Variants in NCAM2 observed in about 807,000 individuals in gnomAD.
The protein encoded by NCAM2 is N-CAM-2.
Under a neutral mutation model 98.1 loss-of-function variants are expected in NCAM2, and 30 were observed. The observed-to-expected ratio is 0.31, with a 90% CI of 0.23 to 0.41. The LOEUF (loss-of-function observed/expected upper bound fraction) is 0.41. Ranked by LOEUF, NCAM2 falls within the 10% of genes least tolerant of loss-of-function variation. NCAM2 has a pLI of 1.00. For synonymous variants in NCAM2, 368 were observed against 342.4 expected, an observed-to-expected ratio of 1.07 and a Z score of -0.83; for missense variants, 867 against 1,005.8, an observed-to-expected ratio of 0.86 and a Z score of 1.87.
At chr21:21,467,926 A>G (rs1018080092) in intron 13 of NCAM2, among the ~76,000 whole-genome samples, 3 of 152,010 alleles carry the variant, frequency 2.0e-5, no homozygotes, top group African/African-American at 7.2e-5. Flanking sequence ...AAGAAATAAC[A>G]GGTCATGCCG....
intron 1 of NCAM2, among the ~76,000 whole-genome samples, chr21:21,222,520 A>G (rs1224707098): frequency 6.6e-6 from 1 of 152,144 alleles, no homozygotes; most frequent in Non-Finnish European, 1.5e-5. Flanking sequence ...TTCATGGAGG[A>G]CTTGAGAGGT....
rs9808734 is a variant in NCAM2, at chr21:21,511,428, T to C, written c.2282+2373T>C. Among the ~76,000 whole-genome samples the C allele has an allele frequency of 7.6e-3, 1,149 of 152,054 alleles. 15 individuals carry two copies. The highest frequency in any genetic ancestry group is 0.027 in the African/African-American group (1,103 of 41,510). ...ACTTATTTCACTTAACATAATTTTC[T>C]CCAGTTCCACCAATATTTCCACAAA... is the stretch of plus-strand genomic sequence containing the variant. On this transcript the variant is annotated intron_variant, in intron 16 of 17. Coordinates refer to ENST00000400546, the MANE Select transcript of NCAM2 (RefSeq NM_004540.5).
intron 12 of NCAM2, among the ~76,000 whole-genome samples, chr21:21,447,310 T>C (rs1361408558): frequency 6.6e-6 from 1 of 151,918 alleles, no homozygotes; most frequent in Non-Finnish European, 1.5e-5. Context: ...AAGGATATCC[T>C]TTTCAATAAA....
At chr21:21,402,069 T>C (rs2145876284) in intron 9 of NCAM2, among the ~76,000 whole-genome samples, 1 of 152,280 alleles carries the variant, frequency 6.6e-6, no homozygotes, top group African/African-American at 2.4e-5. Flanking sequence ...TTGTAAAACA[T>C]ATGTGTTTGA....
At chr21:21,442,630 G>A (rs1336515156) in intron 12 of NCAM2, among the ~76,000 whole-genome samples, 3 of 152,108 alleles carry the variant, frequency 2.0e-5, no homozygotes, top group Non-Finnish European at 2.9e-5. Flanking sequence ...CTTAAAGTCA[G>A]GATATTGTGA....
rs549433921 is a variant in NCAM2 at position 21,351,703 on chromosome 21, T to C, written c.1044+13169T>C. Among the ~76,000 whole-genome samples, 4 of 152,304 alleles carry C rather than the reference T, an allele frequency of 2.6e-5. No homozygotes were observed. In the South Asian group the frequency reaches 8.3e-4, roughly 32 times the overall value. On this transcript the variant is annotated intron_variant, in intron 8 of 17. Coordinates refer to ENST00000400546, the MANE Select transcript of NCAM2 (RefSeq NM_004540.5). Reference sequence around the variant, plus strand: ...ACACCTACTAAATATTGCCACTTTATATAAACATCTCTCATCTATTTGTTC... The same window carrying C: ...ACACCTACTAAATATTGCCACTTTACATAAACATCTCTCATCTATTTGTTC...
At chr21:21,061,858 G>A (rs2065330078) in intron 1 of NCAM2, among the ~76,000 whole-genome samples, 1 of 152,042 alleles carries the variant, frequency 6.6e-6, no homozygotes, top group African/African-American at 2.4e-5. Flanking sequence ...ACAGTGTTGT[G>A]ATTTTCAATC....
intron 1 of NCAM2, among the ~76,000 whole-genome samples, chr21:21,209,794 G>T (rs1377377193): frequency 6.6e-6 from 1 of 152,122 alleles, no homozygotes; most frequent in Non-Finnish European, 1.5e-5. Flanking sequence ...CTGAGAAGAA[G>T]AAACAGTGGC....
At position 21,538,034 on chromosome 21, in the gene NCAM2, T is replaced by C. The variant is rs991091445; in HGVS notation, c.*77T>C. 4 of 744,020 alleles carry C rather than the reference T, an allele frequency of 5.4e-6. No homozygotes were observed. Among genetic ancestry groups the C allele is most frequent in the East Asian group, 2.9e-5 (1 of 35,044 alleles). The allele number at this position is 744,020 out of a possible 1,614,324, so 46.1% of individuals were successfully genotyped here. A position where few individuals can be genotyped will look rare whatever the true frequency, so the allele number is the denominator to read the frequency against. ...TGACCCTATGACCAAAACTATTCCA[T>C]TGACCTTAATTTCTTGGGAAACTTC... On this transcript the variant is annotated 3_prime_UTR_variant, in exon 18 of 18. Transcript: ENST00000400546.
intron 16 of NCAM2, among the ~76,000 whole-genome samples, chr21:21,533,408 C>T (rs1989817123): frequency 6.6e-6 from 1 of 151,662 alleles, no homozygotes; most frequent in African/African-American, 2.4e-5. Context: ...CCTCAGTTGC[C>T]TTAGTAAATA....
intron 5 of NCAM2, among the ~76,000 whole-genome samples, chr21:21,293,862 A>G (rs992160444): frequency 5.9e-5 from 9 of 151,790 alleles, no homozygotes; most frequent in Admixed American, 5.9e-4. Context: ...CTTATGAAAA[A>G]GGGAATTATA....
At chr21:21,196,713 T>G (rs1382896878) in intron 1 of NCAM2, among the ~76,000 whole-genome samples, 2 of 152,192 alleles carry the variant, frequency 1.3e-5, no homozygotes, top group Non-Finnish European at 1.5e-5. Flanking sequence ...AAAAATCAAA[T>G]TTAATCACAA....
At chr21:21,491,745 C>G (rs1432767077) in intron 15 of NCAM2, among the ~76,000 whole-genome samples, 1 of 151,248 alleles carries the variant, frequency 6.6e-6, no homozygotes, top group East Asian at 1.9e-4. Context: ...ACAGTCCAGT[C>G]CAAAATGTAT....
intron 1 of NCAM2, among the ~76,000 whole-genome samples, chr21:21,116,812 G>A (rs924004436): frequency 6.6e-6 from 1 of 151,634 alleles, no homozygotes; most frequent in Non-Finnish European, 1.5e-5. Context: ...CCGAGATCGT[G>A]CCACTGCACT....
At chr21:21,309,843 T>TC (rs5842916) in intron 5 of NCAM2, among the ~76,000 whole-genome samples, 107,663 of 151,872 alleles carry the variant, frequency 0.71, 38,624 homozygotes, top group South Asian at 0.83. Context: ...TCACCTCATT[T>TC]CCCCCCATAT....
At chr21:21,282,704 G>A (rs1450504099) in intron 2 of NCAM2, among the ~76,000 whole-genome samples, 2 of 151,588 alleles carry the variant, frequency 1.3e-5, no homozygotes, top group African/African-American at 4.8e-5. Flanking sequence ...CTAAAGAAGT[G>A]TCATACAGAA....
chr21:21,131,077 A>G (rs1399114145), intron 1 of NCAM2, among the ~76,000 whole-genome samples: 1 of 152,162 alleles, frequency 6.6e-6, no homozygotes, highest in Non-Finnish European at 1.5e-5. Context: ...AAAGGAATAG[A>G]CCATTTAAAT....
chr21:21,036,729 T>C (rs1296597350), intron 1 of NCAM2, among the ~76,000 whole-genome samples: 1 of 152,114 alleles, frequency 6.6e-6, no homozygotes, highest in Non-Finnish European at 1.5e-5. Flanking sequence ...TCATAGGTTA[T>C]AGGACAGAGA....
At chr21:21,209,956 T>G (rs2069585986) in intron 1 of NCAM2, among the ~76,000 whole-genome samples, 1 of 152,168 alleles carries the variant, frequency 6.6e-6, no homozygotes, top group African/African-American at 2.4e-5. Context: ...TACTTAGAAT[T>G]TCTTAGCAAT....
Sources: allele counts gnomAD v4.1 joint callset (sites outside exome capture counted in the v4.1 genomes callset), GRCh38; gene constraint gnomAD v4.1.1; transcripts MANE v1.5; gene names NCBI Gene and HGNC (gene_info 2026-07-23, HGNC 2026-07-21).